Variants in PLD5 observed in about 807,000 individuals in gnomAD.
The protein encoded by PLD5 is phospholipase D family member 5.
PLD5 carries 36 observed loss-of-function variants against 61.1 expected under a neutral mutation model. The observed-to-expected ratio is 0.59, with a 90% CI of 0.45 to 0.78. The LOEUF is 0.78. Among genes scored for constraint, PLD5 ranks in the 30% least tolerant of loss-of-function variants. The pLI, the probability that PLD5 is intolerant of heterozygous loss-of-function variation, is 0.00. For synonymous variants in PLD5, 243 were observed against 242.8 expected (o/e 1.00, Z -0.01); for missense variants, 515 against 644.4 (o/e 0.80, Z 2.17).
chr1:242,259,388 C>T (rs1475806994), intron 4 of PLD5, among the ~76,000 whole-genome samples: 2 of 152,008 alleles, frequency 1.3e-5, no homozygotes, highest in African/African-American at 4.8e-5. Context: ...AAGGGAAACA[C>T]ATAAGGGTAT....
rs139050542 is a variant in PLD5, at chr1:242,391,468, C to G, written c.190-43226G>C. ...CAAAAGGTGAGAGAAAGACAAAAGG[C>G]AAGTATTGTTTAGACAGAGAATTTC... On this transcript the variant is annotated intron_variant, in intron 1 of 9. Coordinates refer to ENST00000536534, the MANE Select transcript of PLD5 (RefSeq NM_001372062.1). 2.6e-5 allele frequency among the ~76,000 whole-genome samples: 4 copies of G among 152,144 alleles called. No homozygotes were observed. In the East Asian group the frequency reaches 7.7e-4, roughly 29 times the overall value.
intron 1 of PLD5, among the ~76,000 whole-genome samples, chr1:242,438,422 C>T (rs924010529): frequency 6.7e-6 from 1 of 150,172 alleles, no homozygotes; most frequent in Non-Finnish European, 1.5e-5. Context: ...AGCTGCCATG[C>T]CTGGCTAATT....
chr1:242,352,539 C>T (rs927311864), intron 1 of PLD5, among the ~76,000 whole-genome samples: 3 of 152,088 alleles, frequency 2.0e-5, no homozygotes, highest in Non-Finnish European at 2.9e-5. Flanking sequence ...TTCAACATAC[C>T]GATTTAAAAT....
At chr1:242,220,771 C>T (rs1352947124) in intron 4 of PLD5, among the ~76,000 whole-genome samples, 1 of 141,344 alleles carries the variant, frequency 7.1e-6, no homozygotes, top group Non-Finnish European at 1.5e-5. Context: ...GAGTCTCACT[C>T]TGTTGTCCAG....
At chr1:242,268,432 C>G (rs1444820606) in intron 3 of PLD5, among the ~76,000 whole-genome samples, 1 of 152,188 alleles carries the variant, frequency 6.6e-6, no homozygotes, top group Non-Finnish European at 1.5e-5. Context: ...ATCTGTATTT[C>G]TGGCTCTGTG....
In PLD5 at chr1:242,232,193, TG is replaced by T. The variant is rs1237304633; in HGVS notation, c.608-12079del. On this transcript the variant is annotated intron_variant, in intron 4 of 9. Transcript: ENST00000536534. ...ATATCATAATATAATTTCAGAATAT[TG>T]GAAATGAAAAGAGATTTTAAACACT... 2.0e-5 allele frequency among the ~76,000 whole-genome samples: 3 copies of T among 152,080 alleles called. No homozygotes were observed. The East Asian group carries it at 5.8e-4, about 29-fold the overall frequency.
At chr1:242,269,627 C>A (rs1451200778) in intron 3 of PLD5, among the ~76,000 whole-genome samples, 1 of 151,344 alleles carries the variant, frequency 6.6e-6, no homozygotes, top group Non-Finnish European at 1.5e-5. Flanking sequence ...AAGGAGGTTG[C>A]CGGATGATTA....
At chr1:242,130,315 G>A (rs2800772) in intron 5 of PLD5, among the ~76,000 whole-genome samples, 62,014 of 152,022 alleles carry the variant, frequency 0.41, 13,050 homozygotes, top group East Asian at 0.61. Context: ...GCCTCCCAAA[G>A]TGCTGGGATT....
intron 2 of PLD5, among the ~76,000 whole-genome samples, chr1:242,331,738 G>A (rs148101907): frequency 5.1e-4 from 78 of 152,112 alleles, no homozygotes; most frequent in African/African-American, 1.6e-3. Context: ...CATTAATCTC[G>A]GACCAAAGTC....
chr1:242,172,162 G>A (rs1282053151), intron 5 of PLD5, among the ~76,000 whole-genome samples: 1 of 152,060 alleles, frequency 6.6e-6, no homozygotes, highest in Non-Finnish European at 1.5e-5. Context: ...GCAAAAGAAT[G>A]GAAATCATAA....
At chr1:242,229,961 T>A (rs1671196552) in intron 4 of PLD5, among the ~76,000 whole-genome samples, 1 of 151,144 alleles carries the variant, frequency 6.6e-6, no homozygotes, top group Non-Finnish European at 1.5e-5. Flanking sequence ...TTCCCCAAGC[T>A]ACCCACTGCC....
chr1:242,142,432 A>T (rs1173591862), intron 5 of PLD5, among the ~76,000 whole-genome samples: 1 of 152,178 alleles, frequency 6.6e-6, no homozygotes. Context: ...GCCTGTACAA[A>T]ATATTCCCCT....
intron 8 of PLD5, among the ~76,000 whole-genome samples, chr1:242,106,844 A>C (rs370157333): frequency 7.9e-4 from 121 of 152,318 alleles, no homozygotes; most frequent in African/African-American, 2.8e-3. Flanking sequence ...CTAAAGGATC[A>C]GTGGTTATGA....
intron 1 of PLD5, among the ~76,000 whole-genome samples, chr1:242,439,292 C>G (rs551879273): frequency 2.1e-4 from 32 of 152,286 alleles, no homozygotes; most frequent in Admixed American, 1.2e-3. Context: ...GAGACCGAGG[C>G]TGATGGTTAT....
Position 242,143,042 on chromosome 1 carries a change from T to G in PLD5, c.736-18377A>C, listed in dbSNP as rs372606587. 1.4e-3 allele frequency among the ~76,000 whole-genome samples: 213 copies of G among 151,078 alleles called. 1 individual carries two copies. Among genetic ancestry groups the G allele is most frequent in the African/African-American group, 5.0e-3 (206 of 41,102 alleles). On this transcript the variant is annotated intron_variant, in intron 5 of 9. Transcript: ENST00000536534. Reference sequence around the variant, plus strand: ...CTCTTTTTTTTTTTTCTCTCTCTCTTTTTGAGACAGAGTCTCCCTTGGTTG... The same window carrying G: ...CTCTTTTTTTTTTTTCTCTCTCTCTGTTTGAGACAGAGTCTCCCTTGGTTG...
At chr1:242,149,546 TG>T (rs1387499048) in intron 5 of PLD5, among the ~76,000 whole-genome samples, 2 of 151,650 alleles carry the variant, frequency 1.3e-5, no homozygotes, top group African/African-American at 4.8e-5. Context: ...TGTGGAGAAT[TG>T]TTACTGTTTC....
rs922491776 is a variant in PLD5 at position 242,232,995 on chromosome 1, A to C, written c.608-12880T>G. 4.6e-5 allele frequency among the ~76,000 whole-genome samples: 7 copies of C among 152,270 alleles called. No homozygotes were observed. The South Asian group carries it at 1.4e-3, about 32-fold the overall frequency. Reference sequence around the variant, plus strand: ...TATGGCAAAACCCCGTCTCTACAAAAAATAAAAAATTAGCCAGGCGTGGTG... The same window carrying C: ...TATGGCAAAACCCCGTCTCTACAAACAATAAAAAATTAGCCAGGCGTGGTG... On this transcript the variant is annotated intron_variant, in intron 4 of 9. Transcript: ENST00000536534.
intron 3 of PLD5, among the ~76,000 whole-genome samples, chr1:242,269,320 T>A (rs1343446131): frequency 6.6e-6 from 1 of 152,132 alleles, no homozygotes; most frequent in Non-Finnish European, 1.5e-5. Context: ...AATTTGTAAA[T>A]GAAGTCTGTA....
At chr1:242,419,312 C>T (rs1442720720) in intron 1 of PLD5, among the ~76,000 whole-genome samples, 1 of 151,720 alleles carries the variant, frequency 6.6e-6, no homozygotes, top group Non-Finnish European at 1.5e-5. Flanking sequence ...AGACTCGTCG[C>T]ATGACTTGTA....
Sources: gnomAD v4.1 joint callset for allele counts (sites outside exome capture counted in the v4.1 genomes callset) on GRCh38, gnomAD v4.1.1 for gene constraint, MANE v1.5 for transcripts, NCBI Gene and HGNC (gene_info 2026-07-23, HGNC 2026-07-21) for gene names.